The following PTPRF variants were observed in gnomAD, a reference collection of about 807,000 sequenced individuals.
PTPRF encodes the protein receptor-type tyrosine-protein phosphatase F.
In PTPRF, 59 loss-of-function variants were observed where a neutral mutation model predicts 201.8. That is an observed-to-expected ratio of 0.29 (90% confidence interval 0.24 to 0.36). The LOEUF (loss-of-function observed/expected upper bound fraction) is 0.36, where lower values mean the gene tolerates loss of function less well. Among genes scored for constraint, PTPRF ranks in the 10% least tolerant of loss-of-function variants. The pLI, the probability that PTPRF is intolerant of heterozygous loss-of-function variation, is 1.00. For missense variants in PTPRF, 2,132 were observed against 2,690.5 expected, an observed-to-expected ratio of 0.79 and a Z score of 4.59; for synonymous variants, 1,088 against 1,089.7, an observed-to-expected ratio of 1.00 and a Z score of 0.03.
chr1:43,620,646 A>C, intron 31 of PTPRF, 67 bp downstream of exon 31: 1 of 1,582,106 alleles, frequency 6.3e-7, no homozygotes, highest in Non-Finnish European at 8.6e-7. Context: ...GGCTGCCTGC[A>C]TGGTACCTTA....
rs555322117 is a variant in PTPRF at position 43,597,312 on chromosome 1, CTA to C, written c.1814-434_1814-433del. Among the ~76,000 whole-genome samples, 166 of 151,346 alleles carry C rather than the reference CTA, an allele frequency of 1.1e-3. 1 individual carries two copies. Among genetic ancestry groups the C allele is most frequent in the Middle Eastern group, 3.5e-3 (1 of 286 alleles). ...CTGTATATGACACTATATGTGGAGA[CTA>C]TGTGTGAGACACTATGTATATGTGA... On this transcript the variant is annotated intron_variant, in intron 11 of 33. Coordinates refer to ENST00000359947, the MANE Select transcript of PTPRF (RefSeq NM_002840.5).
Position 43,597,924 on chromosome 1 carries a change from C to A in PTPRF, c.1990C>A (p.Arg664Ser), listed in dbSNP as rs779393774. The A allele has an allele frequency of 4.3e-5, 68 of 1,595,710 alleles. 1 individual carries two copies. In the East Asian group the frequency reaches 7.0e-4, roughly 17 times the overall value. The change falls in exon 12 of 34, where the codon CGT becomes AGT. Residue 664 changes from arginine (R) to serine (S), a missense_variant. Transcript: ENST00000359947. ...RGRHVVDGIS[R>S]EHSSWDLVGL... ...GCGGCATGTGGTGGATGGCATCAGC[C>A]GTGAGCACTCCAGCTGGGACCTGGT... is the stretch of plus-strand genomic sequence containing the variant.
chr1:43,563,332 A>G (rs1481812005), intron 5 of PTPRF, among the ~76,000 whole-genome samples: 4 of 152,102 alleles, frequency 2.6e-5, no homozygotes, highest in African/African-American at 9.7e-5. Context: ...ACCAGGTTTG[A>G]GGAGGCGAGT....
intron 2 of PTPRF, among the ~76,000 whole-genome samples, chr1:43,543,878 C>T (rs545483305): frequency 2.0e-5 from 3 of 152,346 alleles, no homozygotes; most frequent in East Asian, 3.9e-4. Flanking sequence ...GGATCGACCA[C>T]GTCTCACCCC....
chr1:43,591,817 G>T lies in PTPRF; in HGVS notation c.1537G>T (p.Ala513Ser), dbSNP rs1570409758. The T allele has an allele frequency of 6.2e-7, 1 of 1,613,134 alleles. No individual in the cohort carries two copies. The highest frequency in any genetic ancestry group is 8.5e-7 in the Non-Finnish European group (1 of 1,179,940). Residue 513 changes from alanine to serine, a missense_variant, in exon 10 of 34, where the codon GCC (alanine) becomes TCC (serine). Transcript: ENST00000359947. ...CCTGGTGTGGGGTGTTGCAGTGCCTGCCCAGCCCGCGGACTTCCAGGCCGA... is the reference window on the plus strand; with the variant it reads ...CCTGGTGTGGGGTGTTGCAGTGCCTTCCCAGCCCGCGGACTTCCAGGCCGA... ...IQVKTQQGVP[A>S]QPADFQAEVE...
rs956738810 is a variant in PTPRF, at chr1:43,553,668, G to A, written c.237+31G>A. ...TCTGTGGTGGGAAGGGGTCGGCAGG[G>A]CTCAGGGTCTGCCCACACTCTCTCC... On this transcript the variant is annotated intron_variant, in intron 4 of 33. Coordinates refer to ENST00000359947, the MANE Select transcript of PTPRF (RefSeq NM_002840.5). This position sits in a 1 kb window ranked among gnomAD's most constrained non-coding sequence, Gnocchi z 4.1. 6.2e-7 allele frequency: 1 copy of A among 1,612,936 alleles called. No individual in the cohort carries two copies. Among genetic ancestry groups the A allele is most frequent in the Non-Finnish European group, 8.5e-7 (1 of 1,179,506 alleles).
chr1:43,544,623 C>T (rs1223688674), intron 2 of PTPRF, among the ~76,000 whole-genome samples: 1 of 152,208 alleles, frequency 6.6e-6, no homozygotes, highest in Non-Finnish European at 1.5e-5. Flanking sequence ...GTCTCTCTGT[C>T]CTCTGTCCCA....
intron 3 of PTPRF, among the ~76,000 whole-genome samples, chr1:43,552,721 A>G (rs1645113226): frequency 6.6e-6 from 1 of 152,088 alleles, no homozygotes; most frequent in Non-Finnish European, 1.5e-5. Flanking sequence ...ATTCTTAGGG[A>G]TAGGGGCTGT....
rs201731678 is a variant in PTPRF, at chr1:43,621,278, G to A, written c.5655+46G>A. On this transcript the variant is annotated intron_variant, in intron 33 of 33. Coordinates refer to ENST00000359947, the MANE Select transcript of PTPRF (RefSeq NM_002840.5). The stretch of plus-strand genomic sequence containing the variant: ...GGGCCAGGGCCTTGGCAGCAGCGCT[G>A]CTGGGAACCCTAGGCTTTAGCAACA... The A allele has an allele frequency of 2.5e-6, 4 of 1,602,378 alleles. No homozygotes were observed. In the Admixed American group the frequency reaches 6.8e-5, roughly 27 times the overall value.
At chr1:43,536,516 G>T (rs1216768580) in intron 1 of PTPRF, among the ~76,000 whole-genome samples, 1 of 152,314 alleles carries the variant, frequency 6.6e-6, no homozygotes, top group South Asian at 2.1e-4. Context: ...TGGCAGCAGC[G>T]CCTGGCCAGC....
chr1:43,539,686 C>A (rs1290611946), intron 2 of PTPRF, among the ~76,000 whole-genome samples: 5 of 152,042 alleles, frequency 3.3e-5, no homozygotes, highest in Non-Finnish European at 5.9e-5. Context: ...GGTGTAGGGA[C>A]ACTATGTGTC....
chr1:43,617,640 A>G lies in PTPRF; in HGVS notation c.4195+72A>G, dbSNP rs1658192130. On this transcript the variant is annotated intron_variant, in intron 24 of 33. Coordinates refer to ENST00000359947, the MANE Select transcript of PTPRF (RefSeq NM_002840.5). ...TAGCTAGGGCAACATGTCATTCTAC[A>G]GAGGATGTCCACGAGTCTCAGGGGT... 2.5e-6 allele frequency: 4 copies of G among 1,607,356 alleles called. No individual in the cohort carries two copies. The South Asian group carries it at 3.3e-5, about 13-fold the overall frequency.
intron 23 of PTPRF, among the ~76,000 whole-genome samples, chr1:43,616,329 T>C (rs1015703744): frequency 1.3e-5 from 2 of 151,526 alleles, no homozygotes; most frequent in African/African-American, 4.9e-5. Flanking sequence ...CGCTTCGCTA[T>C]TATCATTATT....
chr1:43,621,903 G>A (rs1196937797), intron 33 of PTPRF, 32 bp from the exon 34 acceptor site: 16 of 1,610,646 alleles, frequency 9.9e-6, no homozygotes, highest in South Asian at 2.2e-5. Context: ...CCACTGGCGC[G>A]ACCCACACTG....
intron 2 of PTPRF, among the ~76,000 whole-genome samples, chr1:43,541,432 G>C (rs944669063): frequency 6.6e-6 from 1 of 152,160 alleles, no homozygotes; most frequent in Non-Finnish European, 1.5e-5. Flanking sequence ...TTTGCAACGT[G>C]AATCTTCTGT....
intron 19 of PTPRF, 148 bp from the exon 20 acceptor site, chr1:43,606,090 CTG>C: frequency 1.2e-6 from 1 of 811,044 alleles, no homozygotes; most frequent in Non-Finnish European, 1.9e-6. Context: ...GTCTGTTACT[CTG>C]TAGGGGCAGT....
intron 23 of PTPRF, among the ~76,000 whole-genome samples, chr1:43,614,626 G>A (rs1226680720): frequency 2.6e-5 from 4 of 152,170 alleles, no homozygotes; most frequent in Non-Finnish European, 4.4e-5. Context: ...CGAGGCGGGT[G>A]GATCACCTGA....
chr1:43,558,565 G>T (rs936349047), intron 5 of PTPRF, among the ~76,000 whole-genome samples: 1 of 152,186 alleles, frequency 6.6e-6, no homozygotes, highest in Non-Finnish European at 1.5e-5. Context: ...GGGGCCCGCC[G>T]CCCAGCGTTC....
Position 43,619,385 on chromosome 1 carries a change from T to G in PTPRF, c.4744T>G (p.Cys1582Gly). 6.2e-7 allele frequency: 1 copy of G among 1,614,092 alleles called. No individual in the cohort carries two copies. The change falls in exon 28 of 34, where the codon TGC becomes GGC. Residue 1582 changes from cysteine (C) to glycine (G), a missense_variant. By Grantham distance (159) the Cys-to-Gly change is radical (BLOSUM62 -3). Transcript: ENST00000359947. Reference protein sequence around the residue: ...KTVDIYGHVTCMRSQRNYMVQ... With the variant: ...KTVDIYGHVTGMRSQRNYMVQ... ...GGTGGACATCTATGGCCACGTGACC[T>G]GCATGCGATCACAGAGGAACTACAT...
Sources: gnomAD v4.1 joint callset for allele counts (sites outside exome capture counted in the v4.1 genomes callset) on GRCh38, gnomAD v4.1.1 for gene constraint, Gnocchi (gnomAD v3.1) non-coding constraint, MANE v1.5 for transcripts, NCBI Gene and HGNC (gene_info 2026-07-23, HGNC 2026-07-21) for gene names.